The following ARL15 variants were observed in gnomAD, a reference collection of about 807,000 sequenced individuals.
The protein encoded by ARL15 is ADP-ribosylation factor-like protein 15.
A neutral mutation model predicts 25.2 loss-of-function variants in ARL15; 19 were observed. The ratio of observed to expected loss-of-function variants is 0.75; its 90% CI spans 0.53 to 1.10. The LOEUF (loss-of-function observed/expected upper bound fraction) is 1.10. Among genes scored for constraint, ARL15 ranks in the 50% least tolerant of loss-of-function variants. The pLI is 0.00. For synonymous variants in ARL15, 94 were observed against 86.8 expected, an observed-to-expected ratio of 1.08 and a Z score of -0.46; for missense variants, 220 against 246.0, an observed-to-expected ratio of 0.89 and a Z score of 0.71.
intron 1 of ARL15, among the ~76,000 whole-genome samples, chr5:54,245,418 A>G (rs993663213): frequency 6.6e-6 from 1 of 152,200 alleles, no homozygotes; most frequent in Non-Finnish European, 1.5e-5. Context: ...AATTTTTAAA[A>G]TCTCTTAAAA....
chr5:54,172,477 C>G lies in ARL15; in HGVS notation c.49-549G>C, dbSNP rs373812807. ...ACAATAAGTGAACACTGAATATAGACTGCATATTAGATAAGAGTACTGTAT... is the reference window on the plus strand; with the variant it reads ...ACAATAAGTGAACACTGAATATAGAGTGCATATTAGATAAGAGTACTGTAT... On this transcript the variant is annotated intron_variant, in intron 1 of 4. Transcript: ENST00000504924. 4.1e-4 allele frequency among the ~76,000 whole-genome samples: 62 copies of G among 151,898 alleles called. No homozygotes were observed. In the South Asian group the frequency reaches 4.6e-3, roughly 11 times the overall value.
intron 1 of ARL15, among the ~76,000 whole-genome samples, chr5:54,221,390 G>C (rs991195026): frequency 1.3e-5 from 2 of 152,186 alleles, no homozygotes; most frequent in East Asian, 1.9e-4. Context: ...TAGTTGAAGA[G>C]GGATTTGCTG....
At chr5:54,073,352 G>A (rs1751482847) in intron 4 of ARL15, among the ~76,000 whole-genome samples, 1 of 152,152 alleles carries the variant, frequency 6.6e-6, no homozygotes, top group Non-Finnish European at 1.5e-5. Flanking sequence ...GCAAACAGGT[G>A]ACAAAACACA....
At position 54,052,474 on chromosome 5, in the gene ARL15, T is replaced by A. The variant is rs190100694; in HGVS notation, c.462+60728A>T. ...AGGTAAAGGAAACTGTACGTAAGAA[T>A]TGTCTCCCACAGGGGTATGGATTAA... On this transcript the variant is annotated intron_variant, in intron 4 of 4. Transcript: ENST00000504924. Among the ~76,000 whole-genome samples the A allele has an allele frequency of 2.3e-3, 343 of 152,250 alleles. 2 individuals are homozygous for A. The highest frequency in any genetic ancestry group is 8.0e-3 in the African/African-American group (332 of 41,550).
chr5:54,270,023 G>C (rs1291227056), intron 1 of ARL15, among the ~76,000 whole-genome samples: 6 of 151,696 alleles, frequency 4.0e-5, no homozygotes, highest in Non-Finnish European at 7.4e-5. Context: ...TTTTAATGTA[G>C]ATATAAAATA....
At chr5:53,942,654 G>A (rs541663112) in intron 4 of ARL15, among the ~76,000 whole-genome samples, 1 of 152,308 alleles carries the variant, frequency 6.6e-6, no homozygotes, top group East Asian at 1.9e-4. Flanking sequence ...GCTGAGTCAG[G>A]AGAATCGCTT....
chr5:54,203,943 C>T (rs1249446328), intron 1 of ARL15, among the ~76,000 whole-genome samples: 1 of 151,928 alleles, frequency 6.6e-6, no homozygotes, highest in African/African-American at 2.4e-5. Flanking sequence ...AGTAATAGTC[C>T]CTGAGGGTTG....
At chr5:54,170,193 G>A (rs1334224786) in intron 2 of ARL15, among the ~76,000 whole-genome samples, 1 of 152,042 alleles carries the variant, frequency 6.6e-6, no homozygotes, top group African/African-American at 2.4e-5. Flanking sequence ...AACTACACTA[G>A]GCTTTGTCAA....
At chr5:54,082,762 C>T (rs1261404025) in intron 4 of ARL15, among the ~76,000 whole-genome samples, 1 of 152,082 alleles carries the variant, frequency 6.6e-6, no homozygotes, top group East Asian at 1.9e-4. Context: ...CTTTTTCCTT[C>T]TCAAGCCTCA....
chr5:54,214,839 C>G (rs921054319), intron 1 of ARL15, among the ~76,000 whole-genome samples: 1 of 152,098 alleles, frequency 6.6e-6, no homozygotes, highest in Non-Finnish European at 1.5e-5. Context: ...AGCTGTGACC[C>G]CACATTGGAA....
At chr5:54,076,261 G>GA (rs955395530) in intron 4 of ARL15, among the ~76,000 whole-genome samples, 97 of 149,262 alleles carry the variant, frequency 6.5e-4, no homozygotes, top group Middle Eastern at 3.5e-3. Flanking sequence ...CTAAAAACAT[G>GA]AAAAAAAAAA....
At chr5:53,937,535 T>C (rs535840326) in intron 4 of ARL15, among the ~76,000 whole-genome samples, 35 of 152,334 alleles carry the variant, frequency 2.3e-4, no homozygotes, top group South Asian at 1.9e-3. Context: ...TTTAGAATTA[T>C]AATACTATAG....
intron 4 of ARL15, among the ~76,000 whole-genome samples, chr5:54,022,526 A>G (rs1470690257): frequency 6.6e-6 from 1 of 152,208 alleles, no homozygotes; most frequent in Non-Finnish European, 1.5e-5. Context: ...ACTAAAGGTC[A>G]AAACCACCTA....
intron 2 of ARL15, among the ~76,000 whole-genome samples, chr5:54,162,415 GCA>G (rs953344140): frequency 3.3e-5 from 5 of 152,080 alleles, no homozygotes; most frequent in Non-Finnish European, 5.9e-5. Flanking sequence ...GCATTTCCCT[GCA>G]CATTTTTTCT....
intron 1 of ARL15, among the ~76,000 whole-genome samples, chr5:54,191,016 T>C (rs879738834): frequency 2.6e-5 from 4 of 152,194 alleles, no homozygotes; most frequent in African/African-American, 4.8e-5. Flanking sequence ...CTCATGTTCA[T>C]AGCAACATCA....
chr5:53,911,997 C>T (rs1474517834), intron 4 of ARL15: 2 of 151,620 alleles, frequency 1.3e-5, no homozygotes, highest in African/African-American at 2.4e-5. Context: ...CTCTATATAC[C>T]TTACCATGTG....
At chr5:54,021,910 A>G (rs1251338414) in intron 4 of ARL15, among the ~76,000 whole-genome samples, 1 of 152,042 alleles carries the variant, frequency 6.6e-6, no homozygotes. Context: ...GGGACACCTC[A>G]CCTAAAGAAG....
intron 1 of ARL15, among the ~76,000 whole-genome samples, chr5:54,265,205 T>G (rs1329094984): frequency 6.6e-6 from 1 of 152,240 alleles, no homozygotes; most frequent in African/African-American, 2.4e-5. Flanking sequence ...TTCAACATTT[T>G]TGCTTTAATA....
intron 3 of ARL15, among the ~76,000 whole-genome samples, chr5:54,129,584 T>G (rs1753371656): frequency 1.3e-5 from 2 of 152,248 alleles, no homozygotes; most frequent in African/African-American, 4.8e-5. Context: ...TCAGATTTAA[T>G]GTAGCATGCA....
Sources: gnomAD v4.1 joint callset for allele counts (sites outside exome capture counted in the v4.1 genomes callset) on GRCh38, gnomAD v4.1.1 for gene constraint, MANE v1.5 for transcripts, NCBI Gene and HGNC (gene_info 2026-07-23, HGNC 2026-07-21) for gene names.